Variants in SYNE4 observed in about 807,000 individuals in gnomAD.
SYNE4 encodes spectrin repeat containing nuclear envelope family member 4, also known as nesprin-4.
In SYNE4, 41 loss-of-function variants were observed where a neutral mutation model predicts 46.9. The ratio of observed to expected loss-of-function variants is 0.87; its 90% CI spans 0.68 to 1.13. The LOEUF is 1.13. Ranked by LOEUF, SYNE4 falls within the 50% of genes most tolerant of loss-of-function variation. The pLI, the probability that SYNE4 is intolerant of heterozygous loss-of-function variation, is 0.00. For synonymous variants in SYNE4, 221 were observed against 219.5 expected (o/e 1.01, Z -0.06); for missense variants, 492 against 514.8 (o/e 0.96, Z 0.43).
At chr19:36,005,165 G>A (rs1452695577) in intron 6 of SYNE4, among the ~76,000 whole-genome samples, 168 bp downstream of exon 6, 2 of 151,536 alleles carry the variant, frequency 1.3e-5, no homozygotes, top group African/African-American at 4.8e-5. Flanking sequence ...ACTGCGCCTG[G>A]CCTGGCCCTG....
intron 5 of SYNE4, 82 bp from the exon 6 acceptor site, chr19:36,005,519 A>G: frequency 7.6e-7 from 1 of 1,311,890 alleles, no homozygotes; most frequent in Non-Finnish European, 1.1e-6. Flanking sequence ...CTGGGGGAGC[A>G]GAGAGATCTC....
Position 36,008,546 on chromosome 19 carries a change from GC to G in SYNE4, c.128+7del. 6.2e-7 allele frequency: 1 copy of G among 1,613,428 alleles called. No homozygotes were observed. The highest frequency in any genetic ancestry group is 8.5e-7 in the Non-Finnish European group (1 of 1,179,906). ...TTGGGAACAAGCTTCCAAAGCCCCG[GC>G]CCCCACCTCGTGCTCTCCTCTCCGG... is the stretch of plus-strand genomic sequence containing the variant. On this transcript the variant is annotated splice_region_variant and intron_variant, in intron 1 of 7. Transcript: ENST00000324444.
At chr19:36,008,010 G>C (rs1285725274) in intron 2 of SYNE4, among the ~76,000 whole-genome samples, 1 of 151,534 alleles carries the variant, frequency 6.6e-6, no homozygotes, top group Non-Finnish European at 1.5e-5. Context: ...AGGTGACAGA[G>C]AGACTCCATC....
Position 36,005,445 on chromosome 19 carries a change from A to T in SYNE4, c.868-8T>A. 1 of 1,613,826 alleles carries T rather than the reference A, an allele frequency of 6.2e-7. No individual in the cohort carries two copies. Among genetic ancestry groups the T allele is most frequent in the East Asian group, 2.2e-5 (1 of 44,870 alleles). ...GTGAGAGGTGTCTGCTTCCTGGAGA[A>T]CCAGCAACAAAGAAAAACGTGGTTG... On this transcript the variant is annotated splice_region_variant and splice_polypyrimidine_tract_variant and intron_variant, in intron 5 of 7. Coordinates refer to ENST00000324444, the MANE Select transcript of SYNE4 (RefSeq NM_001039876.3).
Position 36,006,869 on chromosome 19 carries a change from G to T in SYNE4, c.499C>A (p.Arg167=). The T allele has an allele frequency of 6.4e-7, 1 of 1,574,140 alleles. No homozygotes were observed. The highest frequency in any genetic ancestry group is 2.3e-5 in the East Asian group (1 of 43,214). The change falls in exon 4 of 8, where the codon CGG becomes AGG. Residue 167 remains arginine, a synonymous_variant. Coordinates refer to ENST00000324444, the MANE Select transcript of SYNE4 (RefSeq NM_001039876.3). ...GCTGCCCAGGCCCTGGGCTCACTCC[G>T]CTGTGCCAGCCCCTCACCAAACGCT... ...LLAFGEGLAQ[R]SEPRAWAALE...
In SYNE4 at chr19:36,006,579, T is replaced by C; in HGVS notation, c.711A>G (p.Ala237=). The C allele has an allele frequency of 6.2e-7, 1 of 1,604,864 alleles. No individual in the cohort carries two copies. The highest frequency in any genetic ancestry group is 8.5e-7 in the Non-Finnish European group (1 of 1,176,032). The change falls in exon 5 of 8, where the codon GCA becomes GCG. Residue 237 remains alanine (A), a synonymous_variant. Coordinates refer to ENST00000324444, the MANE Select transcript of SYNE4 (RefSeq NM_001039876.3). The part of the protein sequence containing the change: ...PGPGGVWGPW[A]PSSLPTSTEL... ...CTGTGGAAGTGGGGAGGCTACTGGG[T>C]GCCCAGGGCCCCCAGACCCCACCAG... is the stretch of plus-strand genomic sequence containing the variant.
rs1465902381 is a variant in SYNE4 at position 36,007,235 on chromosome 19, C to G, written c.313G>C (p.Glu105Gln). Residue 105 changes from glutamate (E) to glutamine (Q), a missense_variant, in exon 3 of 8, where the codon GAG (glutamate) becomes CAG (glutamine). Transcript: ENST00000324444. ...AGGCACAGGTGCAGGCTGTTCTGCT[C>G]AGCCTCTAGTACCTCCAGGCCAGAA... ...PISGLEVLEAEQNSLHLCLLG... is the reference protein window; with the variant it reads ...PISGLEVLEAQQNSLHLCLLG... The G allele has an allele frequency of 6.3e-6, 10 of 1,595,832 alleles. No individual in the cohort carries two copies. Among genetic ancestry groups the G allele is most frequent in the South Asian group, 1.1e-5 (1 of 87,692 alleles).
chr19:36,007,476 G>A (rs373853112), intron 2 of SYNE4: 1 of 985,252 alleles, frequency 1.0e-6, no homozygotes, highest in Non-Finnish European at 1.2e-6. Flanking sequence ...AGGTCTCCAG[G>A]TTTTCAAAGC....
At chr19:36,008,179 TG>T in intron 2 of SYNE4, 37 bp downstream of exon 2, 1 of 1,577,186 alleles carries the variant, frequency 6.3e-7, no homozygotes, top group Non-Finnish European at 8.6e-7. Context: ...AGAGAGGAGG[TG>T]GGGCTGGCAC....
In SYNE4 at chr19:36,008,559, G is replaced by GCT. The variant is rs758800042; in HGVS notation, c.121_122dup (p.Ser41ArgfsTer63). ...TCCAAAGCCCCGGCCCCCACCTCGTGCTCTCCTCTCCGGACGCGGGGCAGA... is the reference window on the plus strand; with the variant it reads ...TCCAAAGCCCCGGCCCCCACCTCGTGCTCTCTCCTCTCCGGACGCGGGGCAGA... On this transcript the variant is annotated frameshift_variant, in exon 1 of 8. Coordinates refer to ENST00000324444, the MANE Select transcript of SYNE4 (RefSeq NM_001039876.3). LOFTEE classifies it high-confidence loss of function. The GCT allele has an allele frequency of 1.7e-5, 28 of 1,613,594 alleles. No individual in the cohort carries two copies. Among genetic ancestry groups the GCT allele is most frequent in the Non-Finnish European group, 2.3e-5 (27 of 1,179,926 alleles).
At chr19:36,007,786 G>A (rs1968420967) in intron 2 of SYNE4, among the ~76,000 whole-genome samples, 1 of 151,998 alleles carries the variant, frequency 6.6e-6, no homozygotes, top group Non-Finnish European at 1.5e-5. Context: ...CACTTCGGGA[G>A]GCTGAGGTGG....
Position 36,008,723 on chromosome 19 carries a change from G to A in SYNE4, c.-42C>T, listed in dbSNP as rs756117017. ...ACACAAAGTCAGGTGAGGGCAGCCA[G>A]TAAGACCTCTTCCCTAGACAAGGGT... On this transcript the variant is annotated 5_prime_UTR_variant, in exon 1 of 8. Transcript: ENST00000324444. 8.9e-6 allele frequency: 14 copies of A among 1,572,486 alleles called. No individual in the cohort carries two copies. In the African/African-American group the frequency reaches 1.9e-4, roughly 21 times the overall value.
intron 5 of SYNE4, chr19:36,005,670 G>A (rs957908918): frequency 6.1e-6 from 3 of 492,024 alleles, no homozygotes; most frequent in Non-Finnish European, 1.1e-5. Flanking sequence ...ATGGAAATAG[G>A]CAAATTCCTG....
Position 36,007,706 on chromosome 19 carries a change from A to G in SYNE4, c.280-438T>C, listed in dbSNP as rs143888215. On this transcript the variant is annotated intron_variant, in intron 2 of 7. Coordinates refer to ENST00000324444, the MANE Select transcript of SYNE4 (RefSeq NM_001039876.3). ...AGCCTGGGCAACATGGTGAGACATC[A>G]TCTCTACTTTTTTTTTTTTAATAAA... The G allele has an allele frequency of 8.0e-4, 412 of 513,396 alleles. 8 individuals are homozygous for G. In the African/African-American group the frequency reaches 8.3e-3, roughly 10 times the overall value. The allele number at this position is 513,396 out of a possible 1,614,324, so 31.8% of individuals were successfully genotyped here.
In SYNE4 at chr19:36,003,470, A is replaced by G. The variant is rs1175940854; in HGVS notation, c.1082T>C (p.Phe361Ser). 6.2e-7 allele frequency: 1 copy of G among 1,610,740 alleles called. No homozygotes were observed. Among genetic ancestry groups the G allele is most frequent in the Non-Finnish European group, 8.5e-7 (1 of 1,178,478 alleles). ...RQPLTFLLIL[F>S]LLFLLLVGAM... ...ACCCACCAGGAGGAGGAAGAGGAGG[A>G]AGAGGATAAGGAGGAAGGTCAGAGG... is the stretch of plus-strand genomic sequence containing the variant. Residue 361 changes from phenylalanine to serine, a missense_variant, in exon 8 of 8, where the codon TTC becomes TCC. Physicochemically the swap from Phe to Ser is radical, Grantham distance 155. Coordinates refer to ENST00000324444, the MANE Select transcript of SYNE4 (RefSeq NM_001039876.3).
intron 5 of SYNE4, chr19:36,006,120 G>A (rs761983833): frequency 4.2e-4 from 153 of 364,634 alleles, no homozygotes; most frequent in Non-Finnish European, 6.7e-4. Flanking sequence ...GCTCATGTTT[G>A]GAGGTCACGA....
Position 36,007,221 on chromosome 19 carries a change from C to A in SYNE4, c.327G>T (p.Leu109=). The change falls in exon 3 of 8, where the codon CTG becomes CTT. Residue 109 remains leucine, a synonymous_variant. Coordinates refer to ENST00000324444, the MANE Select transcript of SYNE4 (RefSeq NM_001039876.3). ...GGCCCAGCCCCAGCAGGCACAGGTG[C>A]AGGCTGTTCTGCTCAGCCTCTAGTA... ...LEVLEAEQNS[L]HLCLLGLGRR... 6.3e-7 allele frequency: 1 copy of A among 1,590,460 alleles called. No individual in the cohort carries two copies. The highest frequency in any genetic ancestry group is 2.3e-5 in the East Asian group (1 of 43,986).
In SYNE4 at chr19:36,006,434, G is replaced by T; in HGVS notation, c.856C>A (p.Gln286Lys). The T allele has an allele frequency of 6.2e-7, 1 of 1,610,210 alleles. No homozygotes were observed. Among genetic ancestry groups the T allele is most frequent in the Non-Finnish European group, 8.5e-7 (1 of 1,178,660 alleles). The stretch of plus-strand genomic sequence containing the variant: ...GGGTCTGCTCTCACCTCAAGGCCTT[G>T]TCCCCTGCCCTGGGGCCCCCTCTGG... ...CGQRGPQGRG[Q>K]GLEEADTSHS... Residue 286 changes from glutamine (Q) to lysine (K), a missense_variant, in exon 5 of 8, where the codon CAA (glutamine) becomes AAA (lysine). By Grantham distance (53) the Gln-to-Lys change is moderately conservative. Transcript: ENST00000324444.
chr19:36,005,343 C>T lies in SYNE4; in HGVS notation c.962G>A (p.Arg321Gln), dbSNP rs150043310. The T allele has an allele frequency of 2.4e-4, 385 of 1,614,006 alleles. 6 individuals carry two copies. Among genetic ancestry groups the T allele is most frequent in the Admixed American group, 7.5e-4 (45 of 60,002 alleles). ...TGAGAACTGGCTCACCTGAGGCTTC[C>T]GGAGCAGGGAGTGTCTTTGGTGACG... ...LARHQRHSLLRKPQDKKRQAS... is the reference protein window; with the variant it reads ...LARHQRHSLLQKPQDKKRQAS... The change falls in exon 6 of 8, where the codon CGG (arginine) becomes CAG (glutamine). Residue 321 changes from arginine (R) to glutamine (Q), a missense_variant. Physicochemically the swap from Arg to Gln is conservative, Grantham distance 43 (BLOSUM62 1). Coordinates refer to ENST00000324444, the MANE Select transcript of SYNE4 (RefSeq NM_001039876.3).
Sources: gnomAD v4.1 joint callset for allele counts (sites outside exome capture counted in the v4.1 genomes callset) on GRCh38, gnomAD v4.1.1 for gene constraint, MANE v1.5 for transcripts, NCBI Gene and HGNC (gene_info 2026-07-23, HGNC 2026-07-21) for gene names.